The following CRISPLD2 variants were observed in gnomAD, a reference collection of about 807,000 sequenced individuals.
The protein encoded by CRISPLD2 is cysteine-rich secretory protein LCCL domain-containing 2.
CRISPLD2 carries 47 observed loss-of-function variants against 71.1 expected under a neutral mutation model. The observed-to-expected ratio is 0.66, with a 90% CI of 0.52 to 0.84. CRISPLD2 has a LOEUF of 0.84. Among genes scored for constraint, CRISPLD2 ranks in the 40% least tolerant of loss-of-function variants. The pLI is 0.00. For synonymous variants in CRISPLD2, 317 were observed against 250.1 expected, an observed-to-expected ratio of 1.27 and a Z score of -2.52; for missense variants, 830 against 651.1, an observed-to-expected ratio of 1.27 and a Z score of -2.99.
intron 2 of CRISPLD2, among the ~76,000 whole-genome samples, chr16:84,843,861 A>C (rs1241978610): frequency 6.6e-6 from 1 of 152,182 alleles, no homozygotes; most frequent in Admixed American, 6.5e-5. Flanking sequence ...AACCTCTCCA[A>C]GACTCAAGGT....
chr16:84,876,001 C>T (rs756336667), intron 11 of CRISPLD2, among the ~76,000 whole-genome samples: 11 of 152,182 alleles, frequency 7.2e-5, no homozygotes, highest in South Asian at 2.1e-4. Flanking sequence ...AAGTGACAGA[C>T]TGGACCAGCA....
chr16:84,854,227 G>A (rs190754466), intron 5 of CRISPLD2, among the ~76,000 whole-genome samples: 19 of 152,324 alleles, frequency 1.2e-4, no homozygotes, highest in Non-Finnish European at 2.4e-4. Context: ...TTGAATTCCA[G>A]CTCTTCCCTC....
intron 6 of CRISPLD2, among the ~76,000 whole-genome samples, chr16:84,855,089 G>T (rs139531969): frequency 6.6e-6 from 1 of 152,230 alleles, no homozygotes; most frequent in African/African-American, 2.4e-5. Flanking sequence ...GGGCTCTGCA[G>T]ATGCTGGACA....
At chr16:84,889,968 C>A (rs914699708) in intron 14 of CRISPLD2, among the ~76,000 whole-genome samples, 1 of 152,118 alleles carries the variant, frequency 6.6e-6, no homozygotes, top group South Asian at 2.1e-4. Flanking sequence ...TTTCCTTGAG[C>A]CTCAGTTTTC....
intron 1 of CRISPLD2, among the ~76,000 whole-genome samples, chr16:84,821,398 G>A (rs1291557336): frequency 2.0e-5 from 3 of 152,178 alleles, no homozygotes; most frequent in African/African-American, 7.2e-5. Flanking sequence ...CGGCAGGCAC[G>A]CGGTCTGTGC....
chr16:84,844,729 G>A (rs949731343), intron 2 of CRISPLD2, among the ~76,000 whole-genome samples: 8 of 152,138 alleles, frequency 5.3e-5, no homozygotes, highest in Admixed American at 5.2e-4. Context: ...CCTTCTTGCT[G>A]TGTTGCCCTG....
chr16:84,903,352 G>A (rs891149167), intron 14 of CRISPLD2, among the ~76,000 whole-genome samples: 11 of 151,992 alleles, frequency 7.2e-5, no homozygotes, highest in Non-Finnish European at 1.6e-4. Context: ...CGAGGCAGGC[G>A]GATCATGAGC....
At chr16:84,868,035 C>T (rs1027551256) in intron 7 of CRISPLD2, among the ~76,000 whole-genome samples, 5 of 152,176 alleles carry the variant, frequency 3.3e-5, no homozygotes, top group South Asian at 2.1e-4. Context: ...TGGCTCTCCC[C>T]GTTTGCCCCG....
intron 6 of CRISPLD2, among the ~76,000 whole-genome samples, chr16:84,864,811 C>G (rs80013800): frequency 0.2 from 29,788 of 152,110 alleles, 3,290 homozygotes; most frequent in South Asian, 0.26. Context: ...ATGACAGTTG[C>G]GAGCAAGCTG....
chr16:84,838,486 G>C lies in CRISPLD2; in HGVS notation c.-10G>C, dbSNP rs1916681701. 1 of 1,611,792 alleles carries C rather than the reference G, an allele frequency of 6.2e-7. No homozygotes were observed. The highest frequency in any genetic ancestry group is 1.1e-5 in the South Asian group (1 of 90,984). On this transcript the variant is annotated 5_prime_UTR_variant, in exon 2 of 15. Coordinates refer to ENST00000262424, the MANE Select transcript of CRISPLD2 (RefSeq NM_031476.4). ...CCCGTGAGTCCCATAGTTGCTGCAG[G>C]AGTGGAGCCATGAGCTGCGTCCTGG...
At chr16:84,896,168 G>A (rs2071704426) in intron 14 of CRISPLD2, among the ~76,000 whole-genome samples, 1 of 151,764 alleles carries the variant, frequency 6.6e-6, no homozygotes, top group Non-Finnish European at 1.5e-5. Context: ...CTCCCAGGTA[G>A]CTGGGATTAC....
chr16:84,831,130 C>T (rs550047627), intron 1 of CRISPLD2, among the ~76,000 whole-genome samples: 2 of 152,282 alleles, frequency 1.3e-5, no homozygotes, highest in South Asian at 4.1e-4. Flanking sequence ...CGGGGGTGCC[C>T]ATGGGCCTGT....
At chr16:84,855,624 A>T (rs531536151) in intron 6 of CRISPLD2, among the ~76,000 whole-genome samples, 1 of 152,180 alleles carries the variant, frequency 6.6e-6, no homozygotes, top group Admixed American at 6.5e-5. Flanking sequence ...CAACACCCTC[A>T]CAGACACACC....
intron 1 of CRISPLD2, among the ~76,000 whole-genome samples, chr16:84,827,713 T>G (rs1006786181): frequency 1.3e-5 from 2 of 152,014 alleles, no homozygotes; most frequent in African/African-American, 4.8e-5. Flanking sequence ...ACTACAGGCA[T>G]GTGCCACCAC....
At chr16:84,827,930 GC>G (rs1425541259) in intron 1 of CRISPLD2, among the ~76,000 whole-genome samples, 1 of 152,104 alleles carries the variant, frequency 6.6e-6, no homozygotes, top group Non-Finnish European at 1.5e-5. Context: ...GAGTGGTTCT[GC>G]CCCCCTCCTC....
At chr16:84,894,432 A>G (rs1265922127) in intron 14 of CRISPLD2, among the ~76,000 whole-genome samples, 1 of 152,244 alleles carries the variant, frequency 6.6e-6, no homozygotes, top group Non-Finnish European at 1.5e-5. Flanking sequence ...ACAAAGGTAT[A>G]TATGGGTGCA....
At position 84,879,367 on chromosome 16, in the gene CRISPLD2, T is replaced by C. The variant is rs72799572; in HGVS notation, c.1230-1142T>C. Among the ~76,000 whole-genome samples the C allele has an allele frequency of 4.3e-3, 146 of 33,938 alleles. 1 individual carries two copies. Among genetic ancestry groups the C allele is most frequent in the African/African-American group, 0.028 (119 of 4,276 alleles). The allele number at this position is 33,938 out of a possible 152,430, so 22.3% of individuals were successfully genotyped here. ...TCTTAGACTCTTTCCAATTCTTTTT[T>C]TTTTTTTTTTTTGAGACTGAGCTTC... On this transcript the variant is annotated intron_variant, in intron 12 of 14. Transcript: ENST00000262424.
intron 6 of CRISPLD2, among the ~76,000 whole-genome samples, chr16:84,856,499 GC>G (rs1917245185): frequency 6.6e-6 from 1 of 152,256 alleles, no homozygotes; most frequent in Admixed American, 6.5e-5. Flanking sequence ...AGACCTCTAG[GC>G]CAGCAGAATG....
In CRISPLD2 at chr16:84,896,594, G is replaced by A. The variant is rs73253447; in HGVS notation, c.1439+7231G>A. Among the ~76,000 whole-genome samples the A allele has an allele frequency of 6.0e-3, 907 of 152,214 alleles. 11 individuals carry two copies. The highest frequency in any genetic ancestry group is 0.019 in the African/African-American group (806 of 41,518). ...CTGTGTTAGGTGATTTTGCTCAGCT[G>A]TGGGCTAAGGTCAGTGTCCTGAGCA... On this transcript the variant is annotated intron_variant, in intron 14 of 14. Coordinates refer to ENST00000262424, the MANE Select transcript of CRISPLD2 (RefSeq NM_031476.4).
Sources: gnomAD v4.1 joint callset for allele counts (sites outside exome capture counted in the v4.1 genomes callset) on GRCh38, gnomAD v4.1.1 for gene constraint, MANE v1.5 for transcripts, NCBI Gene and HGNC (gene_info 2026-07-23, HGNC 2026-07-21) for gene names.